TBC1D5: variants seen among roughly 807,000 people sequenced by gnomAD.
TBC1D5 encodes TBC1 domain family member 5, also known as TBC1 domain family, member 5.
A neutral mutation model predicts 100.3 loss-of-function variants in TBC1D5; 75 were observed. That is an observed-to-expected ratio of 0.75 (90% CI 0.62 to 0.91). TBC1D5 has a LOEUF of 0.91. Among genes scored for constraint, TBC1D5 ranks in the 40% least tolerant of loss-of-function variants. TBC1D5 has a pLI of 0.00. For missense variants in TBC1D5, 910 were observed against 942.4 expected (o/e 0.97, Z 0.45); for synonymous variants, 323 against 325.6 (o/e 0.99, Z 0.09).
intron 1 of TBC1D5, among the ~76,000 whole-genome samples, chr3:17,636,826 C>T (rs114427908): frequency 6.6e-6 from 1 of 151,504 alleles, no homozygotes; most frequent in African/African-American, 2.4e-5. Flanking sequence ...ATAGTAGTAG[C>T]ATAAGAATAG....
intron 1 of TBC1D5, among the ~76,000 whole-genome samples, chr3:17,666,513 T>G (rs1004214844): frequency 9.2e-5 from 14 of 152,204 alleles, no homozygotes; most frequent in Non-Finnish European, 1.5e-5. Flanking sequence ...AATTCATTAA[T>G]TTTTGCAACA....
intron 3 of TBC1D5, among the ~76,000 whole-genome samples, chr3:17,482,988 G>C (rs2095518239): frequency 6.6e-6 from 1 of 152,094 alleles, no homozygotes; most frequent in South Asian, 2.1e-4. Flanking sequence ...CCTAAGCACA[G>C]GCTTATTTTT....
At chr3:17,238,051 G>GT in intron 17 of TBC1D5, 112 bp downstream of exon 17, 1 of 1,420,286 alleles carries the variant, frequency 7.0e-7, no homozygotes, top group Non-Finnish European at 9.4e-7. Flanking sequence ...TATTTAAAAA[G>GT]TAAGTTTTGC....
At chr3:17,396,942 G>A (rs1013932104) in intron 8 of TBC1D5, among the ~76,000 whole-genome samples, 8 of 151,986 alleles carry the variant, frequency 5.3e-5, no homozygotes, top group Admixed American at 3.3e-4. Context: ...TATCTATACA[G>A]CACTGTCCAA....
Position 17,663,532 on chromosome 3 carries a change from T to A in TBC1D5, c.-100-39619A>T, listed in dbSNP as rs1022201710. ...ACAACAAGAAACTACTTTTCTCTTA[T>A]AAAATTAGCAGAGATGTTTTCTTTT... On this transcript the variant is annotated intron_variant, in intron 1 of 21. Transcript: ENST00000253692. Among the ~76,000 whole-genome samples the A allele has an allele frequency of 2.0e-5, 3 of 152,294 alleles. No homozygotes were observed. In the East Asian group the frequency reaches 5.8e-4, roughly 29 times the overall value.
At chr3:17,566,253 G>A (rs898227929) in intron 2 of TBC1D5, among the ~76,000 whole-genome samples, 6 of 151,922 alleles carry the variant, frequency 3.9e-5, no homozygotes, top group African/African-American at 4.8e-5. Flanking sequence ...ATGCACTTAC[G>A]TTAAAATATC....
chr3:17,204,471 G>A (rs1247791856), intron 18 of TBC1D5, among the ~76,000 whole-genome samples: 1 of 152,172 alleles, frequency 6.6e-6, no homozygotes, highest in African/African-American at 2.4e-5. Context: ...TTCTGGCCTG[G>A]GATTGTAAAT....
At chr3:17,615,797 C>T (rs1160475160) in intron 2 of TBC1D5, among the ~76,000 whole-genome samples, 1 of 152,138 alleles carries the variant, frequency 6.6e-6, no homozygotes, top group Non-Finnish European at 1.5e-5. Flanking sequence ...ATTAGTCTTG[C>T]TAGCGGTCTA....
intron 2 of TBC1D5, among the ~76,000 whole-genome samples, chr3:17,592,805 G>A (rs574015693): frequency 1.5e-3 from 222 of 152,264 alleles, no homozygotes; most frequent in African/African-American, 5.2e-3. Flanking sequence ...GAGCCCTCTA[G>A]GATTTTGGAG....
chr3:17,526,451 C>T (rs1249816222), intron 2 of TBC1D5, among the ~76,000 whole-genome samples: 1 of 152,118 alleles, frequency 6.6e-6, no homozygotes, highest in Non-Finnish European at 1.5e-5. Context: ...AACTCCTGGC[C>T]TCAAACAATC....
chr3:17,230,524 C>A (rs2075321593), intron 17 of TBC1D5, among the ~76,000 whole-genome samples: 1 of 152,080 alleles, frequency 6.6e-6, no homozygotes, highest in African/African-American at 2.4e-5. Context: ...TAATTGGAAT[C>A]ATCTAATGTC....
intron 1 of TBC1D5, among the ~76,000 whole-genome samples, chr3:17,703,694 T>C (rs2073529642): frequency 6.6e-6 from 1 of 152,112 alleles, no homozygotes; most frequent in Admixed American, 6.5e-5. Context: ...ATCACAAGCT[T>C]TCCCACCTAA....
At chr3:17,243,525 T>G (rs2076477787) in intron 16 of TBC1D5, among the ~76,000 whole-genome samples, 1 of 151,818 alleles carries the variant, frequency 6.6e-6, no homozygotes, top group Admixed American at 6.6e-5. Context: ...AAAACAGTAG[T>G]AAGAGCAAAA....
chr3:17,583,157 C>G (rs976011777), intron 2 of TBC1D5, among the ~76,000 whole-genome samples: 1 of 151,816 alleles, frequency 6.6e-6, no homozygotes. Flanking sequence ...TGGTGGCTCA[C>G]GCTTGAGGTC....
chr3:17,456,679 T>C (rs944666991), intron 3 of TBC1D5, among the ~76,000 whole-genome samples: 2 of 152,180 alleles, frequency 1.3e-5, no homozygotes, highest in East Asian at 1.9e-4. Context: ...AGAACTCTTA[T>C]ACACTGCTGG....
intron 1 of TBC1D5, among the ~76,000 whole-genome samples, chr3:17,730,778 C>G (rs922901484): frequency 6.6e-6 from 1 of 152,068 alleles, no homozygotes; most frequent in Non-Finnish European, 1.5e-5. Flanking sequence ...TAGAACAGTA[C>G]CTGGTATTGG....
At chr3:17,307,537 G>T (rs1223880555) in intron 14 of TBC1D5, among the ~76,000 whole-genome samples, 2 of 152,170 alleles carry the variant, frequency 1.3e-5, no homozygotes, top group Non-Finnish European at 2.9e-5. Flanking sequence ...ATAACTGGAA[G>T]AAAGTTAAAA....
intron 16 of TBC1D5, 49 bp from the exon 17 acceptor site, chr3:17,238,468 C>T: frequency 2.6e-6 from 4 of 1,559,160 alleles, no homozygotes; most frequent in Non-Finnish European, 3.5e-6. Context: ...GAGGATGATT[C>T]TATTTCACAT....
chr3:17,590,311 G>A (rs1471762680), intron 2 of TBC1D5, among the ~76,000 whole-genome samples: 1 of 152,218 alleles, frequency 6.6e-6, no homozygotes, highest in African/African-American at 2.4e-5. Flanking sequence ...CCACTAAGTA[G>A]GGACTCTGCA....
Sources: allele counts gnomAD v4.1 joint callset (sites outside exome capture counted in the v4.1 genomes callset), GRCh38; gene constraint gnomAD v4.1.1; transcripts MANE v1.5; gene names NCBI Gene and HGNC (gene_info 2026-07-23, HGNC 2026-07-21).